Variants in ADGRV1 observed in about 807,000 individuals in gnomAD.
ADGRV1 encodes the protein G-protein coupled receptor 98.
In ADGRV1, 359 loss-of-function variants were observed where a neutral mutation model predicts 596.2. The ratio of observed to expected loss-of-function variants is 0.60; its 90% CI spans 0.55 to 0.66. ADGRV1 has a LOEUF of 0.66. ADGRV1 is among the 30% of genes least tolerant of loss of function. The pLI, the probability that ADGRV1 is intolerant of heterozygous loss-of-function variation, is 0.00. For missense variants in ADGRV1, 7,274 were observed against 7,575.6 expected (o/e 0.96, Z 1.48); for synonymous variants, 2,681 against 2,679.2 (o/e 1.00, Z -0.02).
At chr5:91,108,166 C>T (rs572748109) in intron 87 of ADGRV1, among the ~76,000 whole-genome samples, 26 of 152,188 alleles carry the variant, frequency 1.7e-4, no homozygotes, top group African/African-American at 6.3e-4. Flanking sequence ...TGGAAAATAT[C>T]CTTTCTCTGG....
At position 90,855,912 on chromosome 5, in the gene ADGRV1, G is replaced by A. The variant is rs751939227; in HGVS notation, c.17755+11G>A. 6.3e-7 allele frequency: 1 copy of A among 1,594,564 alleles called. No homozygotes were observed. The highest frequency in any genetic ancestry group is 8.6e-7 in the Non-Finnish European group (1 of 1,165,724). Reference sequence around the variant, plus strand: ...TTATATGTATCTCAGGTCAGTGACAGTATTTTTGAATCAATGGTTATAAAT... The same window carrying A: ...TTATATGTATCTCAGGTCAGTGACAATATTTTTGAATCAATGGTTATAAAT... On this transcript the variant is annotated intron_variant, in intron 82 of 89. Transcript: ENST00000405460.
chr5:90,929,126 C>G (rs1456438261), intron 83 of ADGRV1: 1 of 152,164 alleles, frequency 6.6e-6, no homozygotes, highest in Non-Finnish European at 1.5e-5. Context: ...CCTACAGAGG[C>G]AGGCAGGCCT....
chr5:91,152,516 G>A (rs190301232), intron 88 of ADGRV1, among the ~76,000 whole-genome samples: 4 of 152,090 alleles, frequency 2.6e-5, no homozygotes, highest in Non-Finnish European at 4.4e-5. Context: ...ATTAGTTTTC[G>A]TTCCCCACAC....
At chr5:91,061,460 C>T (rs1787423948) in intron 85 of ADGRV1, among the ~76,000 whole-genome samples, 1 of 152,154 alleles carries the variant, frequency 6.6e-6, no homozygotes, top group Admixed American at 6.5e-5. Context: ...TATTTAACTC[C>T]TTAATGAGCC....
chr5:90,890,073 G>A (rs1283902774), intron 83 of ADGRV1, among the ~76,000 whole-genome samples: 3 of 151,770 alleles, frequency 2.0e-5, no homozygotes, highest in African/African-American at 7.3e-5. Flanking sequence ...CCCCAAGGAG[G>A]GAAAAAAGGA....
intron 59 of ADGRV1, among the ~76,000 whole-genome samples, chr5:90,765,474 CTCT>C: frequency 6.9e-6 from 1 of 144,764 alleles, no homozygotes; most frequent in African/African-American, 2.6e-5. Context: ...CACACACAAA[CTCT>C]AGATATCTGA....
chr5:90,855,936 AT>A, intron 82 of ADGRV1, 35 bp downstream of exon 82: 1 of 1,518,452 alleles, frequency 6.6e-7, no homozygotes. Flanking sequence ...ATGGTTATAA[AT>A]ATTTATGAAA....
chr5:90,684,158 C>G lies in ADGRV1; in HGVS notation c.6237C>G (p.Leu2079=), dbSNP rs1456243803. 6.2e-7 allele frequency: 1 copy of G among 1,613,412 alleles called. No individual in the cohort carries two copies. Among genetic ancestry groups the G allele is most frequent in the South Asian group, 1.1e-5 (1 of 91,028 alleles). Residue 2079 remains leucine, a synonymous_variant, in exon 28 of 90, where the codon CTC becomes CTG. Transcript: ENST00000405460. The part of the protein sequence containing the change: ...ERSESVFIEL[L]NSTLVAKVQS... ...CCGAATCTGTCTTTATCGAACTACTCAACTCTACTTTAGTAGCGAAAGTAC... is the reference window on the plus strand; with the variant it reads ...CCGAATCTGTCTTTATCGAACTACTGAACTCTACTTTAGTAGCGAAAGTAC...
At chr5:90,703,974 A>G (rs993036483) in intron 35 of ADGRV1, among the ~76,000 whole-genome samples, 179 bp downstream of exon 35, 1 of 152,144 alleles carries the variant, frequency 6.6e-6, no homozygotes, top group Admixed American at 6.5e-5. Flanking sequence ...CATTGCCTCA[A>G]TATTAAGCCA....
chr5:90,941,056 G>T (rs1433566296), intron 83 of ADGRV1, among the ~76,000 whole-genome samples: 1 of 151,444 alleles, frequency 6.6e-6, no homozygotes, highest in Non-Finnish European at 1.5e-5. Context: ...AGCATCCTTA[G>T]TTTTGGACAT....
chr5:91,014,963 G>A (rs562971716), intron 85 of ADGRV1, among the ~76,000 whole-genome samples: 7 of 151,968 alleles, frequency 4.6e-5, no homozygotes, highest in Admixed American at 1.3e-4. Context: ...TATTTGAGTC[G>A]TGATGTTTGA....
At chr5:91,053,461 T>C (rs1786535106) in intron 85 of ADGRV1, among the ~76,000 whole-genome samples, 1 of 152,180 alleles carries the variant, frequency 6.6e-6, no homozygotes, top group Non-Finnish European at 1.5e-5. Flanking sequence ...TTAATCATAA[T>C]TGTTATCTTC....
At chr5:91,053,504 G>A (rs1269378039) in intron 85 of ADGRV1, among the ~76,000 whole-genome samples, 1 of 152,132 alleles carries the variant, frequency 6.6e-6, no homozygotes, top group Non-Finnish European at 1.5e-5. Context: ...CCCTTTTTAA[G>A]TGCACAGATG....
At position 90,903,451 on chromosome 5, in the gene ADGRV1, G is replaced by A. The variant is rs188429243; in HGVS notation, c.17856+39594G>A. 1.7e-3 allele frequency among the ~76,000 whole-genome samples: 258 copies of A among 151,868 alleles called. 1 individual carries two copies. Among genetic ancestry groups the A allele is most frequent in the African/African-American group, 6.0e-3 (248 of 41,458 alleles). On this transcript the variant is annotated intron_variant, in intron 83 of 89. Transcript: ENST00000405460. ...TAGTCCCCTACCAGTTTAAATAATA[G>A]CAATATTTTCTTTTACTTTACTAAC...
intron 52 of ADGRV1, among the ~76,000 whole-genome samples, chr5:90,750,327 A>AT (rs1755098878): frequency 6.6e-6 from 1 of 152,214 alleles, no homozygotes; most frequent in African/African-American, 2.4e-5. Flanking sequence ...TCCTAAAATA[A>AT]TTAACATTTT....
intron 83 of ADGRV1, among the ~76,000 whole-genome samples, chr5:90,914,008 C>A (rs2150704211): frequency 6.6e-6 from 1 of 152,190 alleles, no homozygotes; most frequent in Middle Eastern, 3.4e-3. Flanking sequence ...AAAATTGAAC[C>A]CTTGGTTTAA....
chr5:90,725,340 G>T, intron 47 of ADGRV1, 108 bp downstream of exon 47: 1 of 842,254 alleles, frequency 1.2e-6, no homozygotes, highest in Non-Finnish European at 1.8e-6. Context: ...ATGTGAAAAA[G>T]GACTTTTTGT....
chr5:90,957,854 AC>A (rs1157180654), intron 83 of ADGRV1, among the ~76,000 whole-genome samples: 1 of 151,658 alleles, frequency 6.6e-6, no homozygotes, highest in Non-Finnish European at 1.5e-5. Context: ...GAAGTAGTAT[AC>A]TACCAACCAA....
chr5:90,766,618 T>G (rs1486456335), intron 59 of ADGRV1, among the ~76,000 whole-genome samples: 3 of 152,206 alleles, frequency 2.0e-5, no homozygotes, highest in Non-Finnish European at 4.4e-5. Context: ...TCCATCTTTA[T>G]GTGTCTCAGC....
Sources: gnomAD v4.1 joint callset for allele counts (sites outside exome capture counted in the v4.1 genomes callset) on GRCh38, gnomAD v4.1.1 for gene constraint, MANE v1.5 for transcripts, NCBI Gene and HGNC (gene_info 2026-07-23, HGNC 2026-07-21) for gene names.